GRIA2: variants seen among roughly 807,000 people sequenced by gnomAD.
GRIA2 encodes glutamate ionotropic receptor AMPA type subunit 2.
GRIA2 carries 14 observed loss-of-function variants against 97.3 expected under a neutral mutation model. That is an observed-to-expected ratio of 0.14 (90% confidence interval 0.10 to 0.23). The LOEUF (loss-of-function observed/expected upper bound fraction) is 0.23. Ranked by LOEUF, GRIA2 falls within the 10% of genes least tolerant of loss-of-function variation. The probability of loss-of-function intolerance (pLI) is 1.00; values close to 1 mark genes in which losing one functional copy is unlikely to be tolerated. For missense variants in GRIA2, 558 were observed against 1,069.8 expected (o/e 0.52, Z 6.67); for synonymous variants, 412 against 387.8 (o/e 1.06, Z -0.73).
In GRIA2 at chr4:157,361,388, T is replaced by C; in HGVS notation, c.2406+264T>C. The C allele has an allele frequency of 1.5e-6, 1 of 679,564 alleles. No individual in the cohort carries two copies. The allele number at this position is 679,564 out of a possible 1,614,324, so 42.1% of individuals were successfully genotyped here. On this transcript the variant is annotated intron_variant, in intron 14 of 15. Transcript: ENST00000264426. This position sits in a 1 kb window ranked among gnomAD's most constrained non-coding sequence, Gnocchi z 5.2. ...CTGGTTACTTCCAGCGATACATTAA[T>C]GCTCATTTGGCTCTGCAAATCTTAC...
At chr4:157,310,383 C>T (rs949411341) in intron 3 of GRIA2, among the ~76,000 whole-genome samples, 28 of 152,092 alleles carry the variant, frequency 1.8e-4, no homozygotes, top group African/African-American at 6.7e-4. Flanking sequence ...TTCAATCTTC[C>T]ATTCTGAAAT....
chr4:157,253,831 A>G (rs181918113), intron 2 of GRIA2, among the ~76,000 whole-genome samples: 24 of 152,144 alleles, frequency 1.6e-4, no homozygotes, highest in African/African-American at 5.1e-4. Context: ...TATTCTGTTT[A>G]CCCCCACTTT....
intron 2 of GRIA2, among the ~76,000 whole-genome samples, chr4:157,292,441 C>T (rs1298075853): frequency 6.6e-6 from 1 of 151,640 alleles, no homozygotes; most frequent in African/African-American, 2.4e-5. Context: ...ATCAAACATC[C>T]CAGAATAGTT....
intron 15 of GRIA2, 109 bp downstream of exon 15, chr4:157,363,156 T>C: frequency 2.6e-6 from 3 of 1,155,170 alleles, no homozygotes; most frequent in Non-Finnish European, 2.5e-6. Context: ...CCTGTATGTA[T>C]TGTTGACGTT....
intron 2 of GRIA2, among the ~76,000 whole-genome samples, chr4:157,272,844 A>G (rs1222711121): frequency 6.6e-6 from 1 of 152,070 alleles, no homozygotes; most frequent in African/African-American, 2.4e-5. Context: ...AAAATAATGG[A>G]AAGGCACATG....
intron 3 of GRIA2, among the ~76,000 whole-genome samples, chr4:157,310,272 C>T (rs115918940): frequency 1.6e-4 from 24 of 152,228 alleles, no homozygotes; most frequent in African/African-American, 5.8e-4. Context: ...TACATTATCC[C>T]TTGAGAAATT....
intron 2 of GRIA2, among the ~76,000 whole-genome samples, chr4:157,236,725 T>A (rs1288381451): frequency 6.6e-6 from 1 of 152,172 alleles, no homozygotes; most frequent in African/African-American, 2.4e-5. Context: ...TTGCTCTTGG[T>A]ATCTTATTGT....
intron 2 of GRIA2, among the ~76,000 whole-genome samples, chr4:157,297,625 G>T (rs1255780808): frequency 6.6e-6 from 1 of 152,100 alleles, no homozygotes; most frequent in African/African-American, 2.4e-5. Flanking sequence ...AACCCAGTTT[G>T]TTCTCACTTT....
chr4:157,336,359 C>A lies in GRIA2; in HGVS notation c.1474-18C>A. On this transcript the variant is annotated intron_variant, in intron 10 of 15. Coordinates refer to ENST00000264426, the MANE Select transcript of GRIA2 (RefSeq NM_001083619.3). ...CCATGACTCCAGGTACTATTACTTT[C>A]CTTTTTTTCCCTTACAGAAAGCTGA... 1 of 1,519,012 alleles carries A rather than the reference C, an allele frequency of 6.6e-7. No homozygotes were observed. The highest frequency in any genetic ancestry group is 8.8e-7 in the Non-Finnish European group (1 of 1,132,832). The allele number at this position is 1,519,012 out of a possible 1,614,324, so 94.1% of individuals were successfully genotyped here.
intron 14 of GRIA2, chr4:157,362,468 C>T: frequency 2.1e-6 from 1 of 477,876 alleles, no homozygotes; most frequent in South Asian, 1.5e-5. Flanking sequence ...TGTCTTGTAC[C>T]TTCAATTTTT....
At chr4:157,307,780 T>C (rs2126875816) in intron 3 of GRIA2, among the ~76,000 whole-genome samples, 1 of 152,312 alleles carries the variant, frequency 6.6e-6, no homozygotes, top group South Asian at 2.1e-4. Flanking sequence ...TATATCTTGG[T>C]TTCAATATCG....
Position 157,322,254 on chromosome 4 carries a change from T to A in GRIA2, c.882+655T>A, listed in dbSNP as rs993966449. On this transcript the variant is annotated intron_variant, in intron 6 of 15. Transcript: ENST00000264426. ...AAGAGAGAGAGAGAGTGTGTGTGTG[T>A]GTGTGTGTGTGTGTGTGTGTGTGTG... Among the ~76,000 whole-genome samples the A allele has an allele frequency of 5.6e-3, 824 of 147,252 alleles. 5 individuals are homozygous for A. Among genetic ancestry groups the A allele is most frequent in the African/African-American group, 0.019 (779 of 40,746 alleles).
chr4:157,360,907 C>G (rs927473024), intron 13 of GRIA2, 103 bp from the exon 14 acceptor site: 1 of 799,832 alleles, frequency 1.3e-6, no homozygotes, highest in Admixed American at 2.4e-5. Context: ...TTTTTTGTGA[C>G]AAGAGTTGCC....
intron 12 of GRIA2, among the ~76,000 whole-genome samples, chr4:157,355,912 T>TTA (rs1736286585): frequency 3.4e-5 from 2 of 58,146 alleles, no homozygotes; most frequent in East Asian, 5.7e-4. Context: ...AATATATATA[T>TTA]ATTAATATAT....
Position 157,338,842 on chromosome 4 carries a change from A to G in GRIA2, c.1844+2095A>G, listed in dbSNP as rs1307545510. Among the ~76,000 whole-genome samples the G allele has an allele frequency of 5.3e-5, 8 of 152,152 alleles. No individual in the cohort carries two copies. In the East Asian group the frequency reaches 9.7e-4, roughly 18 times the overall value. The stretch of plus-strand genomic sequence containing the variant: ...AAGTTAATGATTTTTAATGAACAAA[A>G]CTATCATTTTTTAAGAATGCAATGA... On this transcript the variant is annotated intron_variant, in intron 11 of 15. Coordinates refer to ENST00000264426, the MANE Select transcript of GRIA2 (RefSeq NM_001083619.3).
chr4:157,330,098 G>T (rs185638859), intron 6 of GRIA2, among the ~76,000 whole-genome samples: 1 of 152,028 alleles, frequency 6.6e-6, no homozygotes, highest in East Asian at 1.9e-4. Flanking sequence ...AGGTAAACAT[G>T]AATATTTTTC....
chr4:157,292,734 G>A (rs1361387893), intron 2 of GRIA2, among the ~76,000 whole-genome samples: 1 of 152,040 alleles, frequency 6.6e-6, no homozygotes, highest in African/African-American at 2.4e-5. Flanking sequence ...AATGATGATG[G>A]GAATCCAATT....
intron 2 of GRIA2, among the ~76,000 whole-genome samples, chr4:157,272,672 C>T (rs545487987): frequency 1.3e-4 from 20 of 152,106 alleles, no homozygotes; most frequent in East Asian, 3.9e-4. Flanking sequence ...TTTAAAAATA[C>T]GCCAGAGCAT....
Position 157,221,686 on chromosome 4 carries a change from C to T in GRIA2, c.108C>T (p.Gly36=). The change falls in exon 2 of 16, where the codon GGC becomes GGT. Residue 36 remains glycine (G), a synonymous_variant. Coordinates refer to ENST00000264426, the MANE Select transcript of GRIA2 (RefSeq NM_001083619.3). ...TTGCAGGGGGGCTATTTCCTAGGGG[C>T]GCCGATCAAGAATACAGTGCATTTC... ...SIQIGGLFPR[G]ADQEYSAFRV... 1 of 1,613,972 alleles carries T rather than the reference C, an allele frequency of 6.2e-7. No individual in the cohort carries two copies. The highest frequency in any genetic ancestry group is 8.5e-7 in the Non-Finnish European group (1 of 1,179,910).
Sources: allele counts gnomAD v4.1 joint callset (sites outside exome capture counted in the v4.1 genomes callset), GRCh38; gene constraint gnomAD v4.1.1; non-coding constraint Gnocchi (gnomAD v3.1); transcripts MANE v1.5; gene names NCBI Gene and HGNC (gene_info 2026-07-23, HGNC 2026-07-21).